The following PTPRD variants were observed in gnomAD, a reference collection of about 807,000 sequenced individuals.
The protein encoded by PTPRD is receptor-type tyrosine-protein phosphatase delta.
PTPRD carries 34 observed loss-of-function variants against 214.5 expected under a neutral mutation model. The observed-to-expected ratio is 0.16, with a 90% CI of 0.12 to 0.21. PTPRD has a LOEUF of 0.21. Among genes scored for constraint, PTPRD ranks in the 10% least tolerant of loss-of-function variants. The pLI, the probability that PTPRD is intolerant of heterozygous loss-of-function variation, is 1.00. For missense variants in PTPRD, 2,545 were observed against 2,398.7 expected, an observed-to-expected ratio of 1.06 and a Z score of -1.27; for synonymous variants, 1,128 against 845.7, an observed-to-expected ratio of 1.33 and a Z score of -5.79.
intron 26 of PTPRD, among the ~76,000 whole-genome samples, chr9:8,496,441 A>G (rs1203522848): frequency 6.6e-6 from 1 of 152,202 alleles, no homozygotes; most frequent in Non-Finnish European, 1.5e-5. Context: ...GCCACTTAGA[A>G]TGTAAACACT....
At chr9:9,629,277 G>GTATATATGTGTA (rs1358421763) in intron 7 of PTPRD, among the ~76,000 whole-genome samples, 1 of 142,038 alleles carries the variant, frequency 7.0e-6, no homozygotes, top group Non-Finnish European at 1.5e-5. Context: ...ATGTATGTAT[G>GTATATATGTGTA]TATATATGTG....
chr9:9,439,592 G>C (rs548480441), intron 8 of PTPRD, among the ~76,000 whole-genome samples: 1 of 152,094 alleles, frequency 6.6e-6, no homozygotes, highest in Non-Finnish European at 1.5e-5. Context: ...TCAGCCCCCA[G>C]ATTAGAGGTG....
intron 3 of PTPRD, among the ~76,000 whole-genome samples, chr9:10,281,292 T>A (rs1013086602): frequency 2.6e-5 from 4 of 152,312 alleles, no homozygotes; most frequent in African/African-American, 9.6e-5. Context: ...ATAATGTAGA[T>A]ACCAAAAATT....
chr9:10,098,632 A>G (rs1261076040), intron 3 of PTPRD, among the ~76,000 whole-genome samples: 1 of 151,844 alleles, frequency 6.6e-6, no homozygotes, highest in African/African-American at 2.4e-5. Flanking sequence ...GTAAAAGAGC[A>G]GAACACAGTT....
intron 9 of PTPRD, among the ~76,000 whole-genome samples, chr9:9,259,003 A>G (rs752629045): frequency 6.2e-4 from 94 of 151,916 alleles, no homozygotes; most frequent in Non-Finnish European, 6.3e-4. Flanking sequence ...GTGGGTAGGA[A>G]AAAGGATCAT....
intron 11 of PTPRD, among the ~76,000 whole-genome samples, chr9:8,804,255 T>A (rs780807607): frequency 1.3e-5 from 2 of 151,924 alleles, no homozygotes; most frequent in African/African-American, 2.4e-5. Context: ...GCCCAGCCCC[T>A]CATTTCTCTT....
intron 2 of PTPRD, among the ~76,000 whole-genome samples, chr9:10,525,786 G>A (rs1178846730): frequency 6.9e-6 from 1 of 145,196 alleles, no homozygotes; most frequent in Non-Finnish European, 1.5e-5. Context: ...ATACATTGAA[G>A]AATCCATCTG....
chr9:8,773,791 G>T (rs375189748), intron 11 of PTPRD, among the ~76,000 whole-genome samples: 1 of 152,180 alleles, frequency 6.6e-6, no homozygotes, highest in East Asian at 1.9e-4. Flanking sequence ...AATAGCTGCA[G>T]TTTCAAATAT....
At chr9:8,664,984 C>T (rs1200851659) in intron 12 of PTPRD, among the ~76,000 whole-genome samples, 1 of 152,018 alleles carries the variant, frequency 6.6e-6, no homozygotes, top group Non-Finnish European at 1.5e-5. Context: ...TGATAGAATG[C>T]AAAATACTTC....
At chr9:8,418,256 T>C (rs1268604739) in intron 35 of PTPRD, among the ~76,000 whole-genome samples, 1 of 151,750 alleles carries the variant, frequency 6.6e-6, no homozygotes, top group East Asian at 1.9e-4. Flanking sequence ...CTACCTTCCT[T>C]TCAACAAGGT....
chr9:8,763,505 T>A (rs1252160787), intron 11 of PTPRD, among the ~76,000 whole-genome samples: 1 of 151,870 alleles, frequency 6.6e-6, no homozygotes, highest in African/African-American at 2.4e-5. Flanking sequence ...AGAGTGAGAC[T>A]TGGTCTCAAA....
chr9:9,835,023 T>C (rs1018187717), intron 5 of PTPRD, among the ~76,000 whole-genome samples: 1 of 152,056 alleles, frequency 6.6e-6, no homozygotes, highest in Non-Finnish European at 1.5e-5. Flanking sequence ...TCCTTTATTG[T>C]TATATAGTAG....
chr9:8,685,969 T>C (rs1487841374), intron 12 of PTPRD, among the ~76,000 whole-genome samples: 1 of 152,328 alleles, frequency 6.6e-6, no homozygotes, highest in African/African-American at 2.4e-5. Context: ...GCGGCTCATT[T>C]TGAGAAACAT....
intron 3 of PTPRD, among the ~76,000 whole-genome samples, chr9:10,190,386 G>GGAA (rs2099357566): frequency 2.0e-5 from 1 of 50,156 alleles, no homozygotes; most frequent in African/African-American, 7.2e-5. Flanking sequence ...TCTATCTCCA[G>GGAA]AAAAAAAAAA....
intron 2 of PTPRD, among the ~76,000 whole-genome samples, chr9:10,410,255 A>G (rs186752392): frequency 5.4e-5 from 7 of 129,744 alleles, no homozygotes; most frequent in African/African-American, 1.2e-4. Flanking sequence ...TATTTTGTGT[A>G]TATATATATA....
In PTPRD at chr9:8,786,069, G is replaced by GTGTT. The variant is rs60727355; in HGVS notation, c.-103-52124_-103-52123insAACA. ...TGTGTGTGTGTGTGTGTGTGTGTGTGTACCTCATACACATTGTTCACCGCT... is the reference window on the plus strand; with the variant it reads ...TGTGTGTGTGTGTGTGTGTGTGTGTGTGTTTACCTCATACACATTGTTCACCGCT... On this transcript the variant is annotated intron_variant, in intron 11 of 45. Transcript: ENST00000381196. Among the ~76,000 whole-genome samples, 32 of 150,238 alleles carry GTGTT rather than the reference G, an allele frequency of 2.1e-4. No individual in the cohort carries two copies. The South Asian group carries it at 6.5e-3, about 30-fold the overall frequency.
chr9:8,339,113 C>T (rs143998770), intron 42 of PTPRD, 66 bp from the exon 43 acceptor site: 1 of 1,441,712 alleles, frequency 6.9e-7, no homozygotes, highest in East Asian at 2.5e-5. Context: ...TATTATCTAT[C>T]TATCTATCTA....
intron 8 of PTPRD, among the ~76,000 whole-genome samples, chr9:9,416,402 T>A (rs1046338724): frequency 3.3e-5 from 5 of 152,198 alleles, no homozygotes; most frequent in Non-Finnish European, 7.4e-5. Context: ...GAGCCTCATG[T>A]CCTCTCTGAT....
intron 10 of PTPRD, among the ~76,000 whole-genome samples, chr9:9,154,279 T>A (rs2099879335): frequency 6.6e-6 from 1 of 152,236 alleles, no homozygotes; most frequent in Non-Finnish European, 1.5e-5. Context: ...CGTCTTAGTC[T>A]GTTTAGGTTG....
Sources: allele counts gnomAD v4.1 joint callset (sites outside exome capture counted in the v4.1 genomes callset), GRCh38; gene constraint gnomAD v4.1.1; transcripts MANE v1.5; gene names NCBI Gene and HGNC (gene_info 2026-07-23, HGNC 2026-07-21).